The following QTMAN variants were observed in gnomAD, a reference collection of about 807,000 sequenced individuals.
The protein encoded by QTMAN is tRNA-queuosine alpha-mannosyltransferase.
chr2:144,106,350 T>C, the QTMAN span, among the ~76,000 whole-genome samples: 5 of 152,148 alleles, frequency 3.3e-5, no homozygotes, highest in Non-Finnish European at 5.9e-5. Context: ...TGTGCTGCAT[T>C]CAGGAGACCC....
chr2:144,231,856 G>C, the QTMAN span, among the ~76,000 whole-genome samples: 3 of 124,118 alleles, frequency 2.4e-5, no homozygotes, highest in Non-Finnish European at 5.3e-5. Flanking sequence ...GTGTGTGTGT[G>C]TGTGTGTGTG....
the QTMAN span, chr2:143,941,912 A>T: frequency 6.6e-6 from 1 of 151,878 alleles, no homozygotes; most frequent in Non-Finnish European, 1.5e-5. Context: ...ATACAAAAAA[A>T]CTTTGTTTCT....
At chr2:144,259,017 C>T in the QTMAN span, among the ~76,000 whole-genome samples, 1 of 152,184 alleles carries the variant, frequency 6.6e-6, no homozygotes, top group African/African-American at 2.4e-5. Flanking sequence ...CCTACAGCCA[C>T]AGGTACCCCA....
chr2:144,042,696 G>A, the QTMAN span, among the ~76,000 whole-genome samples: 2 of 151,062 alleles, frequency 1.3e-5, no homozygotes, highest in Admixed American at 6.6e-5. Context: ...CCCGGAAGGC[G>A]GAGCTTGCAG....
the QTMAN span, among the ~76,000 whole-genome samples, chr2:144,320,478 C>T: frequency 6.6e-6 from 1 of 152,272 alleles, no homozygotes; most frequent in Admixed American, 6.5e-5. Flanking sequence ...CAGCTCTAGT[C>T]ACTTTGGTCT....
At chr2:144,228,021 T>C in the QTMAN span, among the ~76,000 whole-genome samples, 2 of 152,134 alleles carry the variant, frequency 1.3e-5, no homozygotes, top group Non-Finnish European at 2.9e-5. Context: ...GGGAAGGAAG[T>C]TTCTGAGCTC....
the QTMAN span, among the ~76,000 whole-genome samples, chr2:144,197,185 C>A: frequency 6.6e-6 from 1 of 152,030 alleles, no homozygotes; most frequent in East Asian, 1.9e-4. Flanking sequence ...TATCTAAGCA[C>A]AGAAAAGGTA....
At chr2:144,303,332 C>A in the QTMAN span, among the ~76,000 whole-genome samples, 4 of 151,858 alleles carry the variant, frequency 2.6e-5, no homozygotes, top group Non-Finnish European at 5.9e-5. Context: ...CCCTTAAGTA[C>A]CAAGGTTAAA....
the QTMAN span, among the ~76,000 whole-genome samples, chr2:144,107,251 A>G: frequency 1.3e-5 from 2 of 152,220 alleles, no homozygotes; most frequent in Non-Finnish European, 2.9e-5. Flanking sequence ...AGAAATAACT[A>G]AGATCAGAGC....
the QTMAN span, among the ~76,000 whole-genome samples, chr2:144,066,201 T>C: frequency 5.9e-5 from 9 of 152,126 alleles, no homozygotes; most frequent in Non-Finnish European, 8.8e-5. Flanking sequence ...TCAGGATCTT[T>C]GAACCAATAA....
chr2:144,237,180 T>A, the QTMAN span: 1 of 152,088 alleles, frequency 6.6e-6, no homozygotes, highest in Admixed American at 6.5e-5. Context: ...CAATTTGTGA[T>A]ACATGATATG....
At chr2:144,071,101 G>C in the QTMAN span, among the ~76,000 whole-genome samples, 1 of 151,948 alleles carries the variant, frequency 6.6e-6, no homozygotes, top group Non-Finnish European at 1.5e-5. Flanking sequence ...GTATGGGACA[G>C]AGGATCAAAA....
chr2:144,066,339 T>C, the QTMAN span, among the ~76,000 whole-genome samples: 1 of 152,198 alleles, frequency 6.6e-6, no homozygotes, highest in Admixed American at 6.5e-5. Flanking sequence ...GAAATGAACC[T>C]GAAAACAGAA....
chr2:144,083,176 G>A, the QTMAN span, among the ~76,000 whole-genome samples: 35 of 152,216 alleles, frequency 2.3e-4, no homozygotes, highest in Non-Finnish European at 4.8e-4. Flanking sequence ...TGTGGTCTGC[G>A]GACATGGACC....
chr2:144,294,935 C>T, the QTMAN span, among the ~76,000 whole-genome samples: 3 of 151,944 alleles, frequency 2.0e-5, no homozygotes, highest in Non-Finnish European at 4.4e-5. Flanking sequence ...GATTAAAGGA[C>T]CAAATGGGAA....
chr2:144,279,504 G>C, the QTMAN span, among the ~76,000 whole-genome samples: 1 of 152,046 alleles, frequency 6.6e-6, no homozygotes, highest in Admixed American at 6.6e-5. Flanking sequence ...CTGCGGAACA[G>C]CCCTTCAGAT....
the QTMAN span, among the ~76,000 whole-genome samples, chr2:143,974,601 G>GT: frequency 6.6e-6 from 1 of 152,098 alleles, no homozygotes; most frequent in African/African-American, 2.4e-5. Flanking sequence ...TGTGTAATCT[G>GT]TTTTTCTAAG....
At chr2:144,040,215 A>G in the QTMAN span, among the ~76,000 whole-genome samples, 1 of 152,158 alleles carries the variant, frequency 6.6e-6, no homozygotes, top group African/African-American at 2.4e-5. Context: ...TTGCTTGTAG[A>G]AGCATACATG....
At chr2:144,010,507 A>G in the QTMAN span, among the ~76,000 whole-genome samples, 2 of 152,126 alleles carry the variant, frequency 1.3e-5, no homozygotes, top group Non-Finnish European at 2.9e-5. Context: ...AACACCATTT[A>G]GACCATGCTG....
Sources: allele counts gnomAD v4.1 joint callset (sites outside exome capture counted in the v4.1 genomes callset), GRCh38; gene constraint gnomAD v4.1.1; transcripts MANE v1.5; gene names NCBI Gene and HGNC (gene_info 2026-07-23, HGNC 2026-07-21).